PAX5: variants seen among roughly 807,000 people sequenced by gnomAD.
The protein encoded by PAX5 is paired box protein Pax-5.
Under a neutral mutation model 43.7 loss-of-function variants are expected in PAX5, and 9 were observed. The ratio of observed to expected loss-of-function variants is 0.21; its 90% CI spans 0.12 to 0.36. PAX5 has a LOEUF of 0.36. Among genes scored for constraint, PAX5 ranks in the 10% least tolerant of loss-of-function variants. The pLI is 1.00. For missense variants in PAX5, 383 were observed against 532.7 expected, an observed-to-expected ratio of 0.72 and a Z score of 2.77; for synonymous variants, 228 against 214.3, an observed-to-expected ratio of 1.06 and a Z score of -0.56.
At chr9:36,940,549 C>T (rs777149926) in intron 6 of PAX5, among the ~76,000 whole-genome samples, 8 of 152,150 alleles carry the variant, frequency 5.3e-5, no homozygotes, top group Non-Finnish European at 8.8e-5. Context: ...CCCTGGGACC[C>T]GCCCTGAGCC....
rs1329932227 is a variant in PAX5 at position 36,977,386 on chromosome 9, G to A, written c.605-10662C>T. Among the ~76,000 whole-genome samples the A allele has an allele frequency of 3.3e-5, 5 of 152,064 alleles. No homozygotes were observed. In the East Asian group the frequency reaches 5.8e-4, roughly 18 times the overall value. The stretch of plus-strand genomic sequence containing the variant: ...CTAAGAAGTGGAGAAGCTAGGGTCC[G>A]AACTCAAGCAGTCTGGTTCCAGAGT... On this transcript the variant is annotated intron_variant, in intron 5 of 9. Coordinates refer to ENST00000358127, the MANE Select transcript of PAX5 (RefSeq NM_016734.3).
At chr9:36,920,987 A>G (rs1474416008) in intron 7 of PAX5, among the ~76,000 whole-genome samples, 1 of 151,850 alleles carries the variant, frequency 6.6e-6, no homozygotes, top group Non-Finnish European at 1.5e-5. Context: ...CTAATTTTGT[A>G]TTTTTAGTAG....
At chr9:36,972,183 C>T (rs1266674613) in intron 5 of PAX5, among the ~76,000 whole-genome samples, 1 of 152,266 alleles carries the variant, frequency 6.6e-6, no homozygotes, top group Non-Finnish European at 1.5e-5. Context: ...TCCAGCCTTT[C>T]TCAGAGTCCA....
At chr9:36,990,680 A>G (rs954610082) in intron 5 of PAX5, among the ~76,000 whole-genome samples, 1 of 152,264 alleles carries the variant, frequency 6.6e-6, no homozygotes, top group Non-Finnish European at 1.5e-5. Flanking sequence ...AGCAGATTCA[A>G]TGGATATTTA....
At chr9:37,024,061 G>C (rs866046316) in intron 1 of PAX5, among the ~76,000 whole-genome samples, 7 of 152,198 alleles carry the variant, frequency 4.6e-5, no homozygotes, top group African/African-American at 1.7e-4. Flanking sequence ...ACCAGCTCCA[G>C]CTGTGCCAAT....
At chr9:36,988,509 A>T (rs1466045420) in intron 5 of PAX5, among the ~76,000 whole-genome samples, 6 of 152,174 alleles carry the variant, frequency 3.9e-5, no homozygotes, top group South Asian at 2.1e-4. Context: ...AAAAAATTTT[A>T]AAAAATAGCC....
In PAX5 at chr9:36,885,782, C is replaced by T. The variant is rs1029526629; in HGVS notation, c.911-3677G>A. Reference sequence around the variant, plus strand: ...CAGTGTGGAAGGTAATTCTTCACCCCACCCTCACCACCATCAGCTTGAAAA... The same window carrying T: ...CAGTGTGGAAGGTAATTCTTCACCCTACCCTCACCACCATCAGCTTGAAAA... On this transcript the variant is annotated intron_variant, in intron 7 of 9. Transcript: ENST00000358127. 4.6e-5 allele frequency among the ~76,000 whole-genome samples: 7 copies of T among 152,294 alleles called. No individual in the cohort carries two copies. In the East Asian group the frequency reaches 1.3e-3, roughly 29 times the overall value.
At chr9:36,987,064 T>C (rs754728341) in intron 5 of PAX5, among the ~76,000 whole-genome samples, 1 of 152,186 alleles carries the variant, frequency 6.6e-6, no homozygotes, top group African/African-American at 2.4e-5. Flanking sequence ...CCGAAGCAGA[T>C]ACTGTTACTG....
At position 36,991,113 on chromosome 9, in the gene PAX5, A is replaced by G. The variant is rs199577429; in HGVS notation, c.604+11535T>C. 2.6e-4 allele frequency among the ~76,000 whole-genome samples: 11 copies of G among 42,594 alleles called. No individual in the cohort carries two copies. In the Admixed American group the frequency reaches 2.7e-3, roughly 10 times the overall value. The allele number at this position is 42,594 out of a possible 152,430, so 27.9% of individuals were successfully genotyped here. Reference sequence around the variant, plus strand: ...GGTAGAGCCAGACCTTGTCTCAAAAAAAAAAAAAAAAAAAATTCCAGCAAA... The same window carrying G: ...GGTAGAGCCAGACCTTGTCTCAAAAGAAAAAAAAAAAAAAATTCCAGCAAA... On this transcript the variant is annotated intron_variant, in intron 5 of 9. Coordinates refer to ENST00000358127, the MANE Select transcript of PAX5 (RefSeq NM_016734.3).
chr9:37,026,616 C>G (rs1840404581), intron 1 of PAX5: 1 of 1,351,482 alleles, frequency 7.4e-7, no homozygotes, highest in African/African-American at 1.5e-5. Flanking sequence ...GCCGCCGCCT[C>G]CCGGCGCCAA....
intron 7 of PAX5, among the ~76,000 whole-genome samples, chr9:36,905,083 T>C (rs757898027): frequency 2.0e-5 from 3 of 152,016 alleles, no homozygotes; most frequent in South Asian, 4.2e-4. Flanking sequence ...ACTTGGGGAG[T>C]GCTCCAAGGA....
chr9:36,971,202 A>G (rs1181119690), intron 5 of PAX5, among the ~76,000 whole-genome samples: 4 of 152,234 alleles, frequency 2.6e-5, no homozygotes, highest in Non-Finnish European at 5.9e-5. Context: ...TCGGACTAGT[A>G]AAGGTACAAG....
intron 7 of PAX5, among the ~76,000 whole-genome samples, chr9:36,885,081 A>G (rs1166938719): frequency 6.6e-6 from 1 of 152,228 alleles, no homozygotes; most frequent in Non-Finnish European, 1.5e-5. Context: ...CCATGAAAAC[A>G]AAGGGCCTGG....
At chr9:36,907,995 T>A (rs577641069) in intron 7 of PAX5, among the ~76,000 whole-genome samples, 1 of 151,996 alleles carries the variant, frequency 6.6e-6, no homozygotes, top group Non-Finnish European at 1.5e-5. Context: ...AGCCCAGGAG[T>A]TTGAGACCAG....
At chr9:36,992,737 C>T (rs990228144) in intron 5 of PAX5, among the ~76,000 whole-genome samples, 24 of 152,186 alleles carry the variant, frequency 1.6e-4, no homozygotes, top group African/African-American at 4.8e-4. Flanking sequence ...CTGATGACAC[C>T]TTTCTTTTAA....
intron 6 of PAX5, among the ~76,000 whole-genome samples, chr9:36,930,698 T>C (rs923938793): frequency 2.6e-5 from 4 of 151,886 alleles, no homozygotes; most frequent in African/African-American, 9.7e-5. Flanking sequence ...ATGAGTAAAA[T>C]GAAATTTTAA....
intron 5 of PAX5, among the ~76,000 whole-genome samples, chr9:37,000,404 T>C (rs1837746425): frequency 6.6e-6 from 1 of 152,120 alleles, no homozygotes; most frequent in African/African-American, 2.4e-5. Context: ...GACTGCCCCC[T>C]AAGTCTTCCT....
At chr9:37,025,762 A>G (rs571305107) in intron 1 of PAX5, among the ~76,000 whole-genome samples, 7 of 152,218 alleles carry the variant, frequency 4.6e-5, no homozygotes, top group Non-Finnish European at 8.8e-5. Flanking sequence ...CCCGTCTCCT[A>G]CACACGCTGC....
At chr9:36,868,166 GGAA>G (rs780688833) in intron 8 of PAX5, among the ~76,000 whole-genome samples, 2 of 152,240 alleles carry the variant, frequency 1.3e-5, no homozygotes, top group Non-Finnish European at 2.9e-5. Flanking sequence ...AGCAAATATT[GGAA>G]GAAGGACTGG....
Sources: gnomAD v4.1 joint callset for allele counts (sites outside exome capture counted in the v4.1 genomes callset) on GRCh38, gnomAD v4.1.1 for gene constraint, MANE v1.5 for transcripts, NCBI Gene and HGNC (gene_info 2026-07-23, HGNC 2026-07-21) for gene names.